KCNQ5: variants seen among roughly 807,000 people sequenced by gnomAD.
KCNQ5 encodes the protein potassium voltage-gated channel subfamily KQT member 5.
Under a neutral mutation model 98.2 loss-of-function variants are expected in KCNQ5, and 30 were observed. That is an observed-to-expected ratio of 0.31 (90% CI 0.23 to 0.41). The LOEUF (loss-of-function observed/expected upper bound fraction) is 0.41. Among genes scored for constraint, KCNQ5 ranks in the 10% least tolerant of loss-of-function variants. The pLI, the probability that KCNQ5 is intolerant of heterozygous loss-of-function variation, is 1.00. For missense variants in KCNQ5, 835 were observed against 1,182.5 expected (o/e 0.71, Z 4.31); for synonymous variants, 458 against 449.4 (o/e 1.02, Z -0.24).
chr6:72,758,688 T>C (rs1772099097), intron 1 of KCNQ5, among the ~76,000 whole-genome samples: 1 of 152,168 alleles, frequency 6.6e-6, no homozygotes, highest in East Asian at 1.9e-4. Context: ...TTTACAGCAA[T>C]TGTAATATAT....
chr6:72,915,533 A>G (rs1780099061), intron 1 of KCNQ5, among the ~76,000 whole-genome samples: 1 of 152,190 alleles, frequency 6.6e-6, no homozygotes, highest in African/African-American at 2.4e-5. Context: ...TATTCCTTAA[A>G]TCTCCCAGAA....
rs1428134635 is a variant in KCNQ5 at position 73,077,367 on chromosome 6, C to T, written c.662C>T (p.Thr221Ile). 6.2e-7 allele frequency: 1 copy of T among 1,614,062 alleles called. No individual in the cohort carries two copies. The highest frequency in any genetic ancestry group is 8.5e-7 in the Non-Finnish European group (1 of 1,179,968). ...TCAATAGCAGTTGTTTCTGCAAAAA[C>T]TCAGGGTAATATTTTTGCCACGTCT... ...IASIAVVSAK[T>I]QGNIFATSAL... is the part of the protein sequence containing the mutation. Residue 221 changes from threonine to isoleucine, a missense_variant, in exon 4 of 14, where the codon ACT becomes ATT. Transcript: ENST00000370398.
intron 5 of KCNQ5, among the ~76,000 whole-genome samples, chr6:73,086,215 A>G (rs1406546682): frequency 1.3e-5 from 2 of 151,956 alleles, no homozygotes; most frequent in Non-Finnish European, 2.9e-5. Flanking sequence ...CCCTTCTCAG[A>G]CCTTCACAGC....
intron 1 of KCNQ5, among the ~76,000 whole-genome samples, chr6:72,789,543 A>G (rs1253280423): frequency 2.0e-5 from 3 of 151,964 alleles, no homozygotes; most frequent in Non-Finnish European, 4.4e-5. Context: ...AATATAACTT[A>G]TATAGAGAAA....
At chr6:72,755,188 T>C (rs896851476) in intron 1 of KCNQ5, among the ~76,000 whole-genome samples, 6 of 152,058 alleles carry the variant, frequency 3.9e-5, no homozygotes, top group African/African-American at 1.4e-4. Context: ...GTGTGGTATA[T>C]TTTTTCATCC....
chr6:72,688,901 A>G (rs1008979383), intron 1 of KCNQ5, among the ~76,000 whole-genome samples: 2 of 152,202 alleles, frequency 1.3e-5, no homozygotes, highest in African/African-American at 4.8e-5. Flanking sequence ...AAGCTTGGTA[A>G]AAGCTTATTA....
At chr6:72,687,968 A>G (rs557598653) in intron 1 of KCNQ5, among the ~76,000 whole-genome samples, 11 of 151,602 alleles carry the variant, frequency 7.3e-5, no homozygotes, top group Non-Finnish European at 1.3e-4. Flanking sequence ...CCTCCCAAGT[A>G]GCTGGGACTA....
rs146153491 is a variant in KCNQ5, at chr6:72,918,011, C to T, written c.399-85897C>T. Among the ~76,000 whole-genome samples the T allele has an allele frequency of 1.0e-3, 153 of 152,262 alleles. 1 individual carries two copies. The highest frequency in any genetic ancestry group is 3.3e-3 in the African/African-American group (138 of 41,548). The stretch of plus-strand genomic sequence containing the variant: ...CACTAGACGCAATAGCACCCCGCAC[C>T]CCTTAGTTGTAACAACCAAAAATGT... On this transcript the variant is annotated intron_variant, in intron 1 of 13. Coordinates refer to ENST00000370398, the MANE Select transcript of KCNQ5 (RefSeq NM_019842.4).
At chr6:72,884,632 T>G (rs989317689) in intron 1 of KCNQ5, among the ~76,000 whole-genome samples, 5 of 152,108 alleles carry the variant, frequency 3.3e-5, no homozygotes, top group Non-Finnish European at 7.4e-5. Context: ...TTTTTTTTTT[T>G]TTGAGACAGA....
intron 1 of KCNQ5, among the ~76,000 whole-genome samples, chr6:72,988,172 G>A (rs1050303809): frequency 6.6e-6 from 1 of 152,162 alleles, no homozygotes; most frequent in African/African-American, 2.4e-5. Context: ...TTTAGCAGGT[G>A]CTAGGCACAT....
chr6:72,822,181 C>A (rs757250435), intron 1 of KCNQ5, among the ~76,000 whole-genome samples: 3 of 152,154 alleles, frequency 2.0e-5, no homozygotes, highest in Admixed American at 6.5e-5. Flanking sequence ...ACTATCAAAT[C>A]CCTGAAATGA....
intron 5 of KCNQ5, among the ~76,000 whole-genome samples, chr6:73,104,100 C>T (rs1774908122): frequency 1.3e-5 from 2 of 151,804 alleles, no homozygotes; most frequent in African/African-American, 4.8e-5. Flanking sequence ...GAAGTCCATG[C>T]CAGAGCAGTT....
intron 9 of KCNQ5, chr6:73,129,678 C>A: frequency 2.6e-6 from 2 of 779,564 alleles, no homozygotes; most frequent in East Asian, 5.5e-5. Flanking sequence ...AGTCTGTGTA[C>A]TTCTATATTA....
rs1462177317 is a variant in KCNQ5 at position 73,081,964 on chromosome 6, A to G, written c.918+4077A>G. ...CTCAGATTTTCCTAACATAATTACA[A>G]CTTTATGCCAACATTTCCAACCCAC... On this transcript the variant is annotated intron_variant, in intron 5 of 13. Coordinates refer to ENST00000370398, the MANE Select transcript of KCNQ5 (RefSeq NM_019842.4). Among the ~76,000 whole-genome samples, 5 of 152,256 alleles carry G rather than the reference A, an allele frequency of 3.3e-5. No homozygotes were observed. The East Asian group carries it at 5.8e-4, about 18-fold the overall frequency.
At chr6:72,786,415 T>C (rs1711740686) in intron 1 of KCNQ5, among the ~76,000 whole-genome samples, 1 of 152,130 alleles carries the variant, frequency 6.6e-6, no homozygotes, top group African/African-American at 2.4e-5. Context: ...GAACTTAAAG[T>C]AAAATAAATA....
chr6:72,703,934 G>C (rs1373092032), intron 1 of KCNQ5, among the ~76,000 whole-genome samples: 1 of 152,168 alleles, frequency 6.6e-6, no homozygotes, highest in East Asian at 1.9e-4. Flanking sequence ...TAGTTTACTT[G>C]TGGCTGCTTT....
chr6:72,907,171 C>G (rs1424600662), intron 1 of KCNQ5, among the ~76,000 whole-genome samples: 7 of 152,088 alleles, frequency 4.6e-5, no homozygotes, highest in African/African-American at 1.7e-4. Flanking sequence ...AGTCTACCCC[C>G]GGAGAGGAGG....
chr6:73,130,687 AC>A (rs1465515984), intron 9 of KCNQ5, among the ~76,000 whole-genome samples: 3 of 152,198 alleles, frequency 2.0e-5, no homozygotes, highest in Non-Finnish European at 4.4e-5. Context: ...AGTAACAGTC[AC>A]CTGATCAGCT....
At chr6:72,986,374 A>G in intron 1 of KCNQ5, 2 of 417,814 alleles carry the variant, frequency 4.8e-6, no homozygotes. Context: ...AAGAAACACA[A>G]AGCAGACCTG....
Sources: gnomAD v4.1 joint callset for allele counts (sites outside exome capture counted in the v4.1 genomes callset) on GRCh38, gnomAD v4.1.1 for gene constraint, MANE v1.5 for transcripts, NCBI Gene and HGNC (gene_info 2026-07-23, HGNC 2026-07-21) for gene names.